DLGAP1: variants seen among roughly 807,000 people sequenced by gnomAD.
DLGAP1 encodes disks large-associated protein 1.
DLGAP1 carries 11 observed loss-of-function variants against 90.8 expected under a neutral mutation model. The observed-to-expected ratio is 0.12, with a 90% CI of 0.08 to 0.20. DLGAP1 has a LOEUF of 0.20. DLGAP1 is among the 10% of genes least tolerant of loss of function. DLGAP1 has a pLI of 1.00. For missense variants in DLGAP1, 1,050 were observed against 1,333.8 expected, an observed-to-expected ratio of 0.79 and a Z score of 3.31; for synonymous variants, 558 against 540.7, an observed-to-expected ratio of 1.03 and a Z score of -0.44.
chr18:4,075,028 G>A lies in DLGAP1; in HGVS notation c.-158-69827C>T, dbSNP rs139444923. Among the ~76,000 whole-genome samples the A allele has an allele frequency of 7.9e-5, 12 of 152,242 alleles. No homozygotes were observed. The East Asian group carries it at 2.1e-3, about 27-fold the overall frequency. ...TTAATCTAAACTTTTGAAGGTCAAA[G>A]CTTTTGTCTCATTAGTTTTCTTGAC... On this transcript the variant is annotated intron_variant, in intron 2 of 12. Coordinates refer to ENST00000315677, the MANE Select transcript of DLGAP1 (RefSeq NM_004746.4).
intron 3 of DLGAP1, among the ~76,000 whole-genome samples, chr18:3,911,199 A>G (rs1380363105): frequency 6.6e-6 from 1 of 152,216 alleles, no homozygotes; most frequent in African/African-American, 2.4e-5. Context: ...GTTTTTGTGC[A>G]GTTCTTTAGG....
chr18:3,892,304 G>A lies in DLGAP1; in HGVS notation c.-72-12164C>T, dbSNP rs535612351. Among the ~76,000 whole-genome samples the A allele has an allele frequency of 1.9e-3, 295 of 152,052 alleles. 7 individuals are homozygous for A. Among genetic ancestry groups the A allele is most frequent in the Admixed American group, 0.019 (284 of 15,256 alleles). ...AAGCCTTTGAATGTGACTCAAGGTG[G>A]GAGGCTCCCTGACCCGGCGTCCATC... On this transcript the variant is annotated intron_variant, in intron 3 of 12. Coordinates refer to ENST00000315677, the MANE Select transcript of DLGAP1 (RefSeq NM_004746.4).
chr18:3,853,484 C>T (rs1293874797), intron 4 of DLGAP1, among the ~76,000 whole-genome samples: 4 of 151,574 alleles, frequency 2.6e-5, no homozygotes, highest in African/African-American at 9.7e-5. Context: ...GTATTCAGCA[C>T]AGTAACAGGC....
At chr18:3,662,855 C>T (rs760548162) in intron 7 of DLGAP1, among the ~76,000 whole-genome samples, 8 of 152,190 alleles carry the variant, frequency 5.3e-5, no homozygotes, top group African/African-American at 1.2e-4. Flanking sequence ...TATCAGTATA[C>T]GTTGGACATA....
At chr18:3,522,653 C>T (rs796828950) in intron 10 of DLGAP1, among the ~76,000 whole-genome samples, 29 of 150,926 alleles carry the variant, frequency 1.9e-4, no homozygotes, top group African/African-American at 6.8e-4. Context: ...GGCAATTCTC[C>T]CACCTCAGCT....
chr18:3,978,145 C>G, intron 3 of DLGAP1: 1 of 452,188 alleles, frequency 2.2e-6, no homozygotes, highest in African/African-American at 2.0e-5. Flanking sequence ...TCATGGATGA[C>G]CTTGGCTGGT....
intron 4 of DLGAP1, among the ~76,000 whole-genome samples, chr18:3,870,163 T>C (rs188862535): frequency 3.3e-5 from 5 of 152,298 alleles, no homozygotes; most frequent in African/African-American, 1.2e-4. Flanking sequence ...AATCATCCCA[T>C]ATCTATGAAA....
At chr18:3,772,374 TTCTTTCTTTCTTTC>T (rs1568109158) in intron 5 of DLGAP1, among the ~76,000 whole-genome samples, 1 of 15,658 alleles carries the variant, frequency 6.4e-5, no homozygotes, top group African/African-American at 1.0e-4. Context: ...CTTTCTTTCT[TTCTTTCTTTCTTTC>T]TTTCTTTCTT....
chr18:3,687,136 T>A (rs755162291), intron 7 of DLGAP1, among the ~76,000 whole-genome samples: 3 of 152,216 alleles, frequency 2.0e-5, no homozygotes, highest in Non-Finnish European at 4.4e-5. Context: ...CCTGCTGACA[T>A]CTTAATTTTA....
At chr18:4,336,680 C>T (rs979131616) in intron 1 of DLGAP1, among the ~76,000 whole-genome samples, 1 of 152,156 alleles carries the variant, frequency 6.6e-6, no homozygotes, top group African/African-American at 2.4e-5. Flanking sequence ...ATCCACTCTA[C>T]TTTAATTAAT....
chr18:4,153,839 G>A (rs903866736), intron 1 of DLGAP1, among the ~76,000 whole-genome samples: 5 of 152,072 alleles, frequency 3.3e-5, no homozygotes, highest in African/African-American at 9.7e-5. Context: ...AGGGGTCCTC[G>A]TTCCTGGACA....
rs116558226 is a variant in DLGAP1 at position 3,749,531 on chromosome 18, C to T, written c.1173-7019G>A. 8.4e-3 allele frequency among the ~76,000 whole-genome samples: 1,285 copies of T among 152,206 alleles called. 24 individuals carry two copies. Among genetic ancestry groups the T allele is most frequent in the African/African-American group, 0.029 (1,202 of 41,500 alleles). On this transcript the variant is annotated intron_variant, in intron 5 of 12. Coordinates refer to ENST00000315677, the MANE Select transcript of DLGAP1 (RefSeq NM_004746.4). ...TCTTCCTCTAACTTGCCCTTACATG[C>T]TTTTATTCCCTAATACTTTATAATT...
chr18:4,232,644 A>G (rs1233484651), intron 1 of DLGAP1, among the ~76,000 whole-genome samples: 1 of 152,208 alleles, frequency 6.6e-6, no homozygotes, highest in African/African-American at 2.4e-5. Context: ...GAACAAGGAA[A>G]CAAAGCTCCA....
chr18:3,576,817 T>C (rs190887798), intron 8 of DLGAP1, among the ~76,000 whole-genome samples: 3,987 of 149,550 alleles, frequency 0.027, 172 homozygotes, highest in African/African-American at 0.092. Context: ...CCGCCCACCT[T>C]GGCCTCCCAA....
intron 2 of DLGAP1, among the ~76,000 whole-genome samples, chr18:4,120,825 T>C (rs1385078813): frequency 1.3e-5 from 2 of 151,496 alleles, no homozygotes; most frequent in Non-Finnish European, 2.9e-5. Context: ...TTTTCTTTCT[T>C]TTATTAATTC....
Position 3,972,362 on chromosome 18 carries a change from T to A in DLGAP1, c.-73+32754A>T, listed in dbSNP as rs147195754. Among the ~76,000 whole-genome samples, 1,307 of 152,130 alleles carry A rather than the reference T, an allele frequency of 8.6e-3. 18 individuals are homozygous for A. The highest frequency in any genetic ancestry group is 0.03 in the African/African-American group (1,244 of 41,496). On this transcript the variant is annotated intron_variant, in intron 3 of 12. Coordinates refer to ENST00000315677, the MANE Select transcript of DLGAP1 (RefSeq NM_004746.4). ...TTCCGTCTCTATTTAAAAATAATTT[T>A]AAAAAATTATATCTATCTATATCAG...
At chr18:3,880,274 C>T in intron 3 of DLGAP1, 134 bp from the exon 4 acceptor site, 2 of 607,668 alleles carry the variant, frequency 3.3e-6, no homozygotes, top group Non-Finnish European at 5.8e-6. Flanking sequence ...GCCTCCACAT[C>T]CTGGGCTCAA....
At chr18:3,569,722 A>G (rs1443485755) in intron 8 of DLGAP1, among the ~76,000 whole-genome samples, 1 of 151,982 alleles carries the variant, frequency 6.6e-6, no homozygotes, top group Non-Finnish European at 1.5e-5. Context: ...TGGGTTATGA[A>G]TGGATCTGGC....
intron 8 of DLGAP1, among the ~76,000 whole-genome samples, chr18:3,575,656 T>G (rs892259812): frequency 6.6e-6 from 1 of 152,190 alleles, no homozygotes; most frequent in Non-Finnish European, 1.5e-5. Context: ...ATAATAATCC[T>G]GTATACATGA....
Sources: allele counts gnomAD v4.1 joint callset (sites outside exome capture counted in the v4.1 genomes callset), GRCh38; gene constraint gnomAD v4.1.1; transcripts MANE v1.5; gene names NCBI Gene and HGNC (gene_info 2026-07-23, HGNC 2026-07-21).